SPIN1: variants seen among roughly 807,000 people sequenced by gnomAD.
SPIN1 encodes spindlin 1.
In SPIN1, 3 loss-of-function variants were observed where a neutral mutation model predicts 26.0. That is an observed-to-expected ratio of 0.12 (90% CI 0.05 to 0.30). The LOEUF (loss-of-function observed/expected upper bound fraction) is 0.30, where lower values mean the gene tolerates loss of function less well. Ranked by LOEUF, SPIN1 falls within the 10% of genes least tolerant of loss-of-function variation. The probability of loss-of-function intolerance (pLI) is 1.00; values close to 1 mark genes in which losing one functional copy is unlikely to be tolerated. For missense variants in SPIN1, 126 were observed against 333.4 expected (o/e 0.38, Z 4.84); for synonymous variants, 101 against 116.5 (o/e 0.87, Z 0.86).
intron 2 of SPIN1, among the ~76,000 whole-genome samples, chr9:88,433,660 A>G (rs923315809): frequency 3.3e-5 from 5 of 152,128 alleles, no homozygotes; most frequent in African/African-American, 1.2e-4. Context: ...CTCATCTCTC[A>G]TATTTTCTTA....
Position 88,454,991 on chromosome 9 carries a change from A to T in SPIN1, c.101+6002A>T, listed in dbSNP as rs1170331609. The stretch of plus-strand genomic sequence containing the variant: ...TGGACAGAAATAGTATCTATAACAG[A>T]TATTCTTTAATCCTTCTTTTGGAAA... On this transcript the variant is annotated intron_variant, in intron 3 of 5. Coordinates refer to ENST00000375859, the MANE Select transcript of SPIN1 (RefSeq NM_006717.3). Among the ~76,000 whole-genome samples, 3 of 152,212 alleles carry T rather than the reference A, an allele frequency of 2.0e-5. No homozygotes were observed. In the East Asian group the frequency reaches 5.8e-4, roughly 29 times the overall value.
In SPIN1 at chr9:88,388,508, G is replaced by A. The variant is rs1826837693; in HGVS notation, c.-189G>A. On this transcript the variant is annotated 5_prime_UTR_variant, in exon 1 of 6. Transcript: ENST00000375859. ...GAACGAGCGACGGCGGAACCCGTGG[G>A]CCTGTGGACTGCAGCCTCGGCGGTC... 1.4e-5 allele frequency: 2 copies of A among 148,108 alleles called. No homozygotes were observed. The highest frequency in any genetic ancestry group is 4.1e-4 in the South Asian group (2 of 4,820). 9.2% of individuals were successfully genotyped at this position (148,108 alleles called of 1,614,324 possible). A position where few individuals can be genotyped will look rare whatever the true frequency, so the allele number is the denominator to read the frequency against.
chr9:88,428,359 G>A (rs1298972375), intron 2 of SPIN1, among the ~76,000 whole-genome samples: 1 of 152,124 alleles, frequency 6.6e-6, no homozygotes, highest in African/African-American at 2.4e-5. Context: ...AGTCCCCGGT[G>A]TTGATAGTTT....
intron 2 of SPIN1, among the ~76,000 whole-genome samples, chr9:88,437,736 T>C (rs1828035586): frequency 6.6e-6 from 1 of 152,238 alleles, no homozygotes; most frequent in Non-Finnish European, 1.5e-5. Context: ...TTTTTCTCTA[T>C]TGATTTTGAT....
chr9:88,455,883 T>A (rs1462762315), intron 3 of SPIN1, among the ~76,000 whole-genome samples: 2 of 151,782 alleles, frequency 1.3e-5, no homozygotes, highest in Non-Finnish European at 2.9e-5. Context: ...TGGGAGGCTA[T>A]AAAGCAAGAG....
intron 1 of SPIN1, chr9:88,410,840 A>G: frequency 1.1e-6 from 1 of 918,970 alleles, no homozygotes; most frequent in Non-Finnish European, 1.8e-6. Context: ...TTCCCACTGA[A>G]ACCACCTCCA....
At chr9:88,463,413 TTACAGTGATGC>T (rs1828608217) in intron 4 of SPIN1, among the ~76,000 whole-genome samples, 1 of 152,232 alleles carries the variant, frequency 6.6e-6, no homozygotes, top group Non-Finnish European at 1.5e-5. Flanking sequence ...TATTTTCTTA[TTACAGTGATGC>T]TGCTCTTGTT....
chr9:88,474,809 T>A (rs577364365), intron 5 of SPIN1, among the ~76,000 whole-genome samples: 1 of 152,324 alleles, frequency 6.6e-6, no homozygotes, highest in South Asian at 2.1e-4. Context: ...CACATCTGTT[T>A]ATATACATAT....
chr9:88,430,869 A>G (rs1352376070), intron 2 of SPIN1, among the ~76,000 whole-genome samples: 1 of 147,436 alleles, frequency 6.8e-6, no homozygotes, highest in Admixed American at 6.7e-5. Flanking sequence ...TTTTCCTTTT[A>G]TGATATATTT....
intron 2 of SPIN1, among the ~76,000 whole-genome samples, chr9:88,441,398 C>CGTGTGTGTGTGTGTGTGT (rs60571153): frequency 1.7e-4 from 24 of 137,804 alleles, no homozygotes; most frequent in African/African-American, 6.1e-4. Context: ...TGCTGCCATT[C>CGTGTGTGTGTGTGTGTGT]GTGTGTGTGT....
chr9:88,410,385 A>C, intron 1 of SPIN1: 1 of 506,926 alleles, frequency 2.0e-6, no homozygotes, highest in Non-Finnish European at 3.6e-6. Context: ...GCCCATATAC[A>C]TGAGTATTTG....
rs1018337911 is a variant in SPIN1 at position 88,477,008 on chromosome 9, C to G, written c.*1731C>G. On this transcript the variant is annotated 3_prime_UTR_variant, in exon 6 of 6. Coordinates refer to ENST00000375859, the MANE Select transcript of SPIN1 (RefSeq NM_006717.3). Reference sequence around the variant, plus strand: ...TGGTAACGACCACTCACCATGTAAACACAGTACCTCAGTTTTCTGTCCACA... The same window carrying G: ...TGGTAACGACCACTCACCATGTAAAGACAGTACCTCAGTTTTCTGTCCACA... The G allele has an allele frequency of 6.6e-6, 1 of 152,196 alleles. No homozygotes were observed. The highest frequency in any genetic ancestry group is 2.4e-5 in the African/African-American group (1 of 41,432). The allele number at this position is 152,196 out of a possible 1,614,324, so 9.4% of individuals were successfully genotyped here. A position where few individuals can be genotyped will look rare whatever the true frequency, so the allele number is the denominator to read the frequency against.
At chr9:88,389,229 C>G (rs1826864762) in intron 1 of SPIN1, 1 of 152,216 alleles carries the variant, frequency 6.6e-6, no homozygotes, top group South Asian at 2.1e-4. Context: ...GGGGGCGCGG[C>G]GAACGGGTTG....
At chr9:88,467,853 A>C (rs1416271600) in intron 4 of SPIN1, among the ~76,000 whole-genome samples, 1 of 144,474 alleles carries the variant, frequency 6.9e-6, no homozygotes, top group South Asian at 2.3e-4. Context: ...TTTAAAAAAA[A>C]AAAACAAAAA....
chr9:88,395,740 A>G (rs1454963344), intron 1 of SPIN1, among the ~76,000 whole-genome samples: 2 of 151,950 alleles, frequency 1.3e-5, no homozygotes, highest in African/African-American at 4.8e-5. Flanking sequence ...TCAGGCATCA[A>G]TACAGCCTAA....
chr9:88,456,588 C>G (rs924247585), intron 3 of SPIN1, among the ~76,000 whole-genome samples: 1 of 152,212 alleles, frequency 6.6e-6, no homozygotes, highest in South Asian at 2.1e-4. Flanking sequence ...ACTTCTTAGC[C>G]TCTGTGCAGC....
At chr9:88,398,268 T>A (rs890656366) in intron 1 of SPIN1, among the ~76,000 whole-genome samples, 1 of 151,980 alleles carries the variant, frequency 6.6e-6, no homozygotes, top group Non-Finnish European at 1.5e-5. Flanking sequence ...GTTCTTGAAT[T>A]TTTTTGACTT....
intron 2 of SPIN1, among the ~76,000 whole-genome samples, chr9:88,430,252 G>C (rs1368901522): frequency 6.6e-6 from 1 of 152,218 alleles, no homozygotes; most frequent in East Asian, 1.9e-4. Flanking sequence ...CACATGGGCT[G>C]ATAGGACTTA....
At chr9:88,428,395 A>T (rs1827802204) in intron 2 of SPIN1, among the ~76,000 whole-genome samples, 1 of 152,170 alleles carries the variant, frequency 6.6e-6, no homozygotes, top group South Asian at 2.1e-4. Context: ...CATGAACCCA[A>T]GATTTAGCTC....
Sources: allele counts gnomAD v4.1 joint callset (sites outside exome capture counted in the v4.1 genomes callset), GRCh38; gene constraint gnomAD v4.1.1; transcripts MANE v1.5; gene names NCBI Gene and HGNC (gene_info 2026-07-23, HGNC 2026-07-21).